GPC5: variants seen among roughly 807,000 people sequenced by gnomAD.
The protein encoded by GPC5 is glypican-5.
A neutral mutation model predicts 53.9 loss-of-function variants in GPC5; 47 were observed. The ratio of observed to expected loss-of-function variants is 0.87; its 90% CI spans 0.69 to 1.11. The LOEUF (loss-of-function observed/expected upper bound fraction) is 1.11, where lower values mean the gene tolerates loss of function less well. GPC5 is among the 50% of genes most tolerant of loss of function. The probability of loss-of-function intolerance (pLI) is 0.00; values close to 1 mark genes in which losing one functional copy is unlikely to be tolerated. For synonymous variants in GPC5, 286 were observed against 263.3 expected, an observed-to-expected ratio of 1.09 and a Z score of -0.84; for missense variants, 748 against 713.1, an observed-to-expected ratio of 1.05 and a Z score of -0.56.
chr13:92,004,427 G>A (rs1379065699), intron 6 of GPC5, among the ~76,000 whole-genome samples: 1 of 111,956 alleles, frequency 8.9e-6, no homozygotes, highest in East Asian at 2.3e-4. Context: ...CCTGGAGACA[G>A]AGTGAGACTC....
chr13:92,553,633 A>T (rs1342471254), intron 7 of GPC5, among the ~76,000 whole-genome samples: 2 of 151,980 alleles, frequency 1.3e-5, no homozygotes, highest in Non-Finnish European at 2.9e-5. Flanking sequence ...AACAGAGAGG[A>T]ACTGTCTGAC....
chr13:92,864,875 T>G (rs1828367612), intron 7 of GPC5, among the ~76,000 whole-genome samples: 1 of 152,054 alleles, frequency 6.6e-6, no homozygotes, highest in Non-Finnish European at 1.5e-5. Context: ...ATATATATAT[T>G]GGCCTAATTA....
At chr13:92,607,350 A>G (rs758958172) in intron 7 of GPC5, among the ~76,000 whole-genome samples, 17 of 152,202 alleles carry the variant, frequency 1.1e-4, no homozygotes, top group Non-Finnish European at 1.8e-4. Context: ...ACTAGTGGCA[A>G]CTTCAATTCT....
intron 2 of GPC5, among the ~76,000 whole-genome samples, chr13:91,627,952 T>C (rs1314267127): frequency 2.0e-5 from 3 of 152,140 alleles, no homozygotes; most frequent in African/African-American, 7.2e-5. Flanking sequence ...AGGGAAACTG[T>C]TTGTTCCCAA....
intron 3 of GPC5, among the ~76,000 whole-genome samples, chr13:91,697,023 T>G (rs147513097): frequency 0.014 from 2,114 of 152,352 alleles, 26 homozygotes; most frequent in Non-Finnish European, 0.021. Flanking sequence ...AATACCATAA[T>G]AGTATCCTTG....
intron 4 of GPC5, among the ~76,000 whole-genome samples, chr13:91,733,150 TG>T (rs1412737923): frequency 6.6e-6 from 1 of 152,220 alleles, no homozygotes; most frequent in Admixed American, 6.5e-5. Flanking sequence ...TGTTTTGTTT[TG>T]TTTTTGAGAC....
intron 7 of GPC5, among the ~76,000 whole-genome samples, chr13:92,619,719 T>C (rs1206637920): frequency 6.6e-6 from 1 of 152,000 alleles, no homozygotes; most frequent in Non-Finnish European, 1.5e-5. Flanking sequence ...GATCTTTCAT[T>C]TGAAGTATGA....
intron 6 of GPC5, among the ~76,000 whole-genome samples, chr13:91,920,739 A>C (rs1017910667): frequency 1.3e-5 from 2 of 151,932 alleles, no homozygotes; most frequent in African/African-American, 4.9e-5. Flanking sequence ...GTATCTCAGC[A>C]GGAATACTAG....
chr13:92,663,856 C>CTA lies in GPC5; in HGVS notation c.1562-202379_1562-202378dup, dbSNP rs201565650. On this transcript the variant is annotated intron_variant, in intron 7 of 7. Coordinates refer to ENST00000377067, the MANE Select transcript of GPC5 (RefSeq NM_004466.6). Reference sequence around the variant, plus strand: ...CACTATATATATATACACACACACACTATATATATATATATATATATATAT... The same window carrying CTA: ...CACTATATATATATACACACACACACTATATATATATATATATATATATATAT... 7.9e-3 allele frequency among the ~76,000 whole-genome samples: 700 copies of CTA among 88,162 alleles called. 3 individuals carry two copies. The highest frequency in any genetic ancestry group is 0.017 in the African/African-American group (345 of 20,614). 57.8% of individuals were successfully genotyped at this position (88,162 alleles called of 152,430 possible). A position where few individuals can be genotyped will look rare whatever the true frequency, so the allele number is the denominator to read the frequency against.
intron 6 of GPC5, among the ~76,000 whole-genome samples, chr13:92,067,158 TTAA>T (rs1249349745): frequency 6.6e-6 from 1 of 152,102 alleles, no homozygotes; most frequent in African/African-American, 2.4e-5. Flanking sequence ...ATGTAGCTGG[TTAA>T]AATATTTGGG....
At chr13:91,567,361 T>C (rs2031580860) in intron 2 of GPC5, among the ~76,000 whole-genome samples, 1 of 152,164 alleles carries the variant, frequency 6.6e-6, no homozygotes, top group Non-Finnish European at 1.5e-5. Context: ...ACACTTAGTG[T>C]ATTTCTAGGT....
At chr13:91,982,833 C>T (rs372930526) in intron 6 of GPC5, among the ~76,000 whole-genome samples, 19 of 152,210 alleles carry the variant, frequency 1.2e-4, no homozygotes, top group African/African-American at 4.6e-4. Context: ...ATTAGAGTTC[C>T]TGGCTTTTCA....
chr13:92,303,866 G>A (rs952007525), intron 7 of GPC5, among the ~76,000 whole-genome samples: 7 of 152,190 alleles, frequency 4.6e-5, no homozygotes, highest in Non-Finnish European at 1.0e-4. Flanking sequence ...GTTAGCAAGA[G>A]CAGGTTTTCC....
chr13:91,841,493 A>C (rs2038787557), intron 5 of GPC5, among the ~76,000 whole-genome samples: 1 of 151,900 alleles, frequency 6.6e-6, no homozygotes, highest in Admixed American at 6.6e-5. Flanking sequence ...TTTCAAAGTA[A>C]TATACGTGCT....
chr13:91,858,029 A>G (rs572911643), intron 5 of GPC5, among the ~76,000 whole-genome samples: 25 of 151,732 alleles, frequency 1.6e-4, no homozygotes, highest in Admixed American at 6.6e-4. Flanking sequence ...ATATATTTTT[A>G]AATTTTGCAT....
chr13:92,392,530 A>C (rs1875054717), intron 7 of GPC5, among the ~76,000 whole-genome samples: 1 of 152,210 alleles, frequency 6.6e-6, no homozygotes, highest in South Asian at 2.1e-4. Flanking sequence ...AAGCAATTGC[A>C]ACAAAAGCAG....
intron 7 of GPC5, among the ~76,000 whole-genome samples, chr13:92,608,497 C>T (rs1456068317): frequency 6.6e-6 from 1 of 152,090 alleles, no homozygotes; most frequent in Non-Finnish European, 1.5e-5. Flanking sequence ...CTGAAATTGT[C>T]CCCCTTTGTA....
intron 2 of GPC5, among the ~76,000 whole-genome samples, chr13:91,640,752 TC>T (rs1241382724): frequency 6.7e-6 from 1 of 148,708 alleles, no homozygotes; most frequent in African/African-American, 2.5e-5. Context: ...TGAGCCAAGA[TC>T]GCACCACTGC....
chr13:92,399,577 T>C lies in GPC5; in HGVS notation c.1561+254588T>C, dbSNP rs187850402. The stretch of plus-strand genomic sequence containing the variant: ...ACTAAAACCATGACGCAGAGGCCTG[T>C]TGTTCCCGTAATGATAAAGAGTGTT... On this transcript the variant is annotated intron_variant, in intron 7 of 7. Coordinates refer to ENST00000377067, the MANE Select transcript of GPC5 (RefSeq NM_004466.6). Among the ~76,000 whole-genome samples the C allele has an allele frequency of 9.9e-5, 15 of 152,198 alleles. No individual in the cohort carries two copies. The East Asian group carries it at 2.9e-3, about 29-fold the overall frequency.
Sources: allele counts gnomAD v4.1 joint callset (sites outside exome capture counted in the v4.1 genomes callset), GRCh38; gene constraint gnomAD v4.1.1; transcripts MANE v1.5; gene names NCBI Gene and HGNC (gene_info 2026-07-23, HGNC 2026-07-21).